Variants in TGFB2 observed in about 807,000 individuals in gnomAD.
TGFB2 encodes transforming growth factor beta-2 proprotein.
TGFB2 carries 13 observed loss-of-function variants against 42.7 expected under a neutral mutation model. The observed-to-expected ratio is 0.30, with a 90% confidence interval of 0.20 to 0.48. The LOEUF is 0.48. Among genes scored for constraint, TGFB2 ranks in the 20% least tolerant of loss-of-function variants. TGFB2 has a pLI of 0.99. For missense variants in TGFB2, 390 were observed against 517.5 expected, an observed-to-expected ratio of 0.75 and a Z score of 2.39; for synonymous variants, 193 against 193.6, an observed-to-expected ratio of 1.00 and a Z score of 0.03.
intron 2 of TGFB2, among the ~76,000 whole-genome samples, chr1:218,429,259 G>C (rs1353263965): frequency 6.6e-6 from 1 of 152,180 alleles, no homozygotes; most frequent in Non-Finnish European, 1.5e-5. Flanking sequence ...GGGATTACAG[G>C]CGTGAGCCAC....
chr1:218,360,348 T>C (rs376784874), intron 1 of TGFB2, among the ~76,000 whole-genome samples: 1 of 152,262 alleles, frequency 6.6e-6, no homozygotes, highest in Non-Finnish European at 1.5e-5. Context: ...TTAATTACTT[T>C]GTAAATTACC....
In TGFB2 at chr1:218,422,305, C is replaced by G. The variant is rs193168816; in HGVS notation, c.511-11777C>G. ...CAATCTTGGCTCGCTGCAGCCTCAA[C>G]CTCCCAGGCTCAACAGATCCTCCTG... On this transcript the variant is annotated intron_variant, in intron 2 of 6. Coordinates refer to ENST00000366930, the MANE Select transcript of TGFB2 (RefSeq NM_003238.6). Among the ~76,000 whole-genome samples, 1,029 of 151,938 alleles carry G rather than the reference C, an allele frequency of 6.8e-3. 6 individuals are homozygous for G. The highest frequency in any genetic ancestry group is 7.6e-3 in the Non-Finnish European group (514 of 67,948).
chr1:218,396,816 A>G lies in TGFB2; in HGVS notation c.347-8353A>G, dbSNP rs1450986543. Among the ~76,000 whole-genome samples the G allele has an allele frequency of 4.6e-5, 7 of 152,288 alleles. No homozygotes were observed. The South Asian group carries it at 8.3e-4, about 18-fold the overall frequency. On this transcript the variant is annotated intron_variant, in intron 1 of 6. Transcript: ENST00000366930. Reference sequence around the variant, plus strand: ...TTTTAGGGACTTCAACCCAGGCATCAAGATTTTCAAGTTCCTCCGTTGATT... The same window carrying G: ...TTTTAGGGACTTCAACCCAGGCATCGAGATTTTCAAGTTCCTCCGTTGATT...
intron 2 of TGFB2, among the ~76,000 whole-genome samples, chr1:218,425,340 TG>T (rs1394383321): frequency 1.5e-4 from 23 of 152,126 alleles, no homozygotes; most frequent in African/African-American, 4.8e-4. Flanking sequence ...CCCGAGTAGC[TG>T]GGATTACAGG....
Position 218,436,128 on chromosome 1 carries a change from G to T in TGFB2, c.913G>T (p.Asp305Tyr). Residue 305 changes from aspartate (D) to tyrosine (Y), a missense_variant, in exon 5 of 7, where the codon GAT becomes TAT. By Grantham distance (160) the Asp-to-Tyr change is radical. Transcript: ENST00000366930. ...QTNRRKKRAL[D>Y]AAYCFRNVQD... ...CAACCGGCGGAAGAAGCGTGCTTTG[G>T]ATGCGGCCTATTGCTTTAGGTAAAG... 1 of 1,612,674 alleles carries T rather than the reference G, an allele frequency of 6.2e-7. No individual in the cohort carries two copies. The highest frequency in any genetic ancestry group is 2.2e-5 in the East Asian group (1 of 44,894).
intron 1 of TGFB2, among the ~76,000 whole-genome samples, chr1:218,354,188 A>G (rs776551301): frequency 5.9e-5 from 9 of 152,192 alleles, no homozygotes; most frequent in Non-Finnish European, 1.2e-4. Flanking sequence ...TGACAAATGG[A>G]TGAGCATTCC....
rs372095507 is a variant in TGFB2, at chr1:218,420,854, C to T, written c.511-13228C>T. 3.9e-5 allele frequency among the ~76,000 whole-genome samples: 6 copies of T among 152,302 alleles called. No homozygotes were observed. The South Asian group carries it at 6.2e-4, about 16-fold the overall frequency. ...TGAGCTCCAAAGAGACTTGTATTCT[C>T]AGTCTTCTGAGGCTGATATGTATTC... On this transcript the variant is annotated intron_variant, in intron 2 of 6. Coordinates refer to ENST00000366930, the MANE Select transcript of TGFB2 (RefSeq NM_003238.6).
At chr1:218,372,043 C>T (rs757432035) in intron 1 of TGFB2, among the ~76,000 whole-genome samples, 15 of 152,156 alleles carry the variant, frequency 9.9e-5, no homozygotes, top group Non-Finnish European at 1.6e-4. Flanking sequence ...CGTCCCTGAG[C>T]GTGCTAGGTA....
At chr1:218,358,579 C>T (rs11810299) in intron 1 of TGFB2, among the ~76,000 whole-genome samples, 10 of 135,950 alleles carry the variant, frequency 7.4e-5, no homozygotes, top group Admixed American at 2.3e-4. Flanking sequence ...GACAGAGTCT[C>T]GCTCCGTCAC....
chr1:218,384,168 G>T (rs1399775374), intron 1 of TGFB2, among the ~76,000 whole-genome samples: 1 of 151,940 alleles, frequency 6.6e-6, no homozygotes, highest in Non-Finnish European at 1.5e-5. Context: ...TGAATGCATT[G>T]GTTATGGGTT....
intron 2 of TGFB2, among the ~76,000 whole-genome samples, chr1:218,428,550 A>G (rs1040109005): frequency 1.0e-4 from 15 of 147,222 alleles, no homozygotes; most frequent in Middle Eastern, 3.4e-3. Context: ...AGCTTTCTAC[A>G]TATGGCTAGC....
intron 1 of TGFB2, among the ~76,000 whole-genome samples, chr1:218,385,559 G>T (rs928632843): frequency 1.3e-5 from 2 of 152,138 alleles, no homozygotes; most frequent in African/African-American, 4.8e-5. Context: ...TTTGCTGAAG[G>T]GTTTTAACAT....
chr1:218,406,850 C>A lies in TGFB2; in HGVS notation c.510+1518C>A, dbSNP rs10482773. ...GACACTACAGAGGATTAAGAAAAAACCCCTTGGGATCCCCGTGATAAGGGG... is the reference window on the plus strand; with the variant it reads ...GACACTACAGAGGATTAAGAAAAAAACCCTTGGGATCCCCGTGATAAGGGG... On this transcript the variant is annotated intron_variant, in intron 2 of 6. Transcript: ENST00000366930. 8.5e-5 allele frequency among the ~76,000 whole-genome samples: 13 copies of A among 152,202 alleles called. No individual in the cohort carries two copies. The East Asian group carries it at 2.5e-3, about 29-fold the overall frequency.
At chr1:218,379,126 C>CTTTTTTTTTTTTTTTT (rs748882381) in intron 1 of TGFB2, among the ~76,000 whole-genome samples, 15 of 143,724 alleles carry the variant, frequency 1.0e-4, no homozygotes, top group East Asian at 4.1e-4. Context: ...TTCTTTCTTT[C>CTTTTTTTTTTTTTTTT]TTTCTTTTTT....
chr1:218,438,428 G>A (rs919208604), intron 6 of TGFB2, among the ~76,000 whole-genome samples: 3 of 152,284 alleles, frequency 2.0e-5, no homozygotes, highest in Middle Eastern at 3.4e-3. Flanking sequence ...ATGACAGAAT[G>A]TAATTTAACA....
intron 1 of TGFB2, among the ~76,000 whole-genome samples, 197 bp downstream of exon 1, chr1:218,347,244 T>A (rs1259427748): frequency 6.6e-6 from 1 of 152,178 alleles, no homozygotes; most frequent in Admixed American, 6.5e-5. Flanking sequence ...TACTTTCTAC[T>A]TTATTTTCTC....
chr1:218,442,855 C>G lies in TGFB2; in HGVS notation c.*1493C>G, dbSNP rs1051628141. 1 of 152,068 alleles carries G rather than the reference C, an allele frequency of 6.6e-6. No individual in the cohort carries two copies. The allele number at this position is 152,068 out of a possible 1,614,324, so 9.4% of individuals were successfully genotyped here. ...CAAGGATTTAGGGTTCTAACTAAAA[C>G]TCAGAATCTTTATTGAGTTAAGAAA... On this transcript the variant is annotated 3_prime_UTR_variant, in exon 7 of 7. Coordinates refer to ENST00000366930, the MANE Select transcript of TGFB2 (RefSeq NM_003238.6).
chr1:218,350,789 C>T (rs751474904), intron 1 of TGFB2, among the ~76,000 whole-genome samples: 13 of 152,112 alleles, frequency 8.5e-5, no homozygotes, highest in Non-Finnish European at 1.3e-4. Context: ...TAGCTTCAGT[C>T]AGCAGCAGTG....
intron 6 of TGFB2, among the ~76,000 whole-genome samples, chr1:218,437,726 G>T (rs537000528): frequency 6.6e-6 from 1 of 152,278 alleles, no homozygotes; most frequent in African/African-American, 2.4e-5. Flanking sequence ...GTTAACTGTA[G>T]GTGAAATCAG....
Sources: gnomAD v4.1 joint callset for allele counts (sites outside exome capture counted in the v4.1 genomes callset) on GRCh38, gnomAD v4.1.1 for gene constraint, MANE v1.5 for transcripts, NCBI Gene and HGNC (gene_info 2026-07-23, HGNC 2026-07-21) for gene names.